PMFBP1: variants seen among roughly 807,000 people sequenced by gnomAD.
PMFBP1 encodes polyamine modulated factor 1 binding protein 1.
PMFBP1 carries 131 observed loss-of-function variants against 137.8 expected under a neutral mutation model. The ratio of observed to expected loss-of-function variants is 0.95; its 90% CI spans 0.82 to 1.10. The LOEUF (loss-of-function observed/expected upper bound fraction) is 1.10, where lower values mean the gene tolerates loss of function less well. PMFBP1 is among the 50% of genes least tolerant of loss of function. The probability of loss-of-function intolerance (pLI) is 0.00; values close to 1 mark genes in which losing one functional copy is unlikely to be tolerated. For synonymous variants in PMFBP1, 490 were observed against 450.4 expected (o/e 1.09, Z -1.11); for missense variants, 1,199 against 1,175.4 (o/e 1.02, Z -0.29).
At chr16:72,147,997 T>C (rs2042838613) in intron 5 of PMFBP1, among the ~76,000 whole-genome samples, 1 of 152,166 alleles carries the variant, frequency 6.6e-6, no homozygotes, top group African/African-American at 2.4e-5. Flanking sequence ...GAAATGCCAT[T>C]TGACCCAGCA....
chr16:72,197,668 C>A, the PMFBP1 span, among the ~76,000 whole-genome samples: 12 of 152,284 alleles, frequency 7.9e-5, no homozygotes, highest in Admixed American at 5.2e-4. Flanking sequence ...ATTGACCCAC[C>A]CAGTGAGAGC....
the PMFBP1 span, among the ~76,000 whole-genome samples, chr16:72,244,405 G>A: frequency 2.6e-5 from 4 of 152,172 alleles, no homozygotes; most frequent in Admixed American, 6.5e-5. Context: ...GAATATAGAT[G>A]CAAATATTGC....
chr16:72,129,157 C>T lies in PMFBP1; in HGVS notation c.1859G>A (p.Arg620Gln), dbSNP rs759310475. Residue 620 changes from arginine to glutamine, a missense_variant, in exon 13 of 21, where the codon CGG (arginine) becomes CAG (glutamine). Physicochemically the swap from Arg to Gln is conservative, Grantham distance 43. Transcript: ENST00000237353. Reference protein sequence around the residue: ...QEATKLLEDKREQLKKSKEHE... With the variant: ...QEATKLLEDKQEQLKKSKEHE... ...CTCTTTGCTCTTCTTCAACTGCTCCCGTTTGTCCTCCAGAAGCTTTGTGGC... is the reference window on the plus strand; with the variant it reads ...CTCTTTGCTCTTCTTCAACTGCTCCTGTTTGTCCTCCAGAAGCTTTGTGGC... The T allele has an allele frequency of 1.2e-5, 20 of 1,614,118 alleles. No homozygotes were observed. Among genetic ancestry groups the T allele is most frequent in the African/African-American group, 5.3e-5 (4 of 74,952 alleles).
chr16:72,123,120 C>G (rs1025682378), intron 18 of PMFBP1, 132 bp from the exon 19 acceptor site: 8 of 765,302 alleles, frequency 1.0e-5, no homozygotes, highest in Non-Finnish European at 1.5e-5. Context: ...CGCATCACCC[C>G]GTCCGCAGAG....
At chr16:72,150,501 T>C in intron 5 of PMFBP1, 107 bp downstream of exon 5, 1 of 1,065,898 alleles carries the variant, frequency 9.4e-7, no homozygotes, top group South Asian at 1.4e-5. Flanking sequence ...GGAAGTGACA[T>C]CTGGGTAAAG....
chr16:72,129,290 A>G (rs1008393895), intron 12 of PMFBP1, 57 bp from the exon 13 acceptor site: 12 of 1,554,612 alleles, frequency 7.7e-6, no homozygotes, highest in South Asian at 1.2e-5. Context: ...TATTTGGGGG[A>G]AAAATACAGA....
rs192099805 is a variant in PMFBP1, at chr16:72,148,164, T to C, written c.636+2444A>G. Among the ~76,000 whole-genome samples, 379 of 152,190 alleles carry C rather than the reference T, an allele frequency of 2.5e-3. 2 individuals carry two copies. The highest frequency in any genetic ancestry group is 4.6e-3 in the Non-Finnish European group (312 of 68,008). ...GGCCGGATAAAGAAAATGTGGCACA[T>C]ATACACCATGGAATACTATGCAGCC... On this transcript the variant is annotated intron_variant, in intron 5 of 20. Coordinates refer to ENST00000237353, the MANE Select transcript of PMFBP1 (RefSeq NM_031293.3).
At chr16:72,185,795 G>T in the PMFBP1 span, among the ~76,000 whole-genome samples, 24 of 152,174 alleles carry the variant, frequency 1.6e-4, no homozygotes, top group Admixed American at 1.5e-3. Flanking sequence ...TAACTAATTT[G>T]CAGTAAGAGA....
the PMFBP1 span, among the ~76,000 whole-genome samples, chr16:72,237,129 G>A: frequency 2.6e-5 from 4 of 152,164 alleles, no homozygotes; most frequent in East Asian, 5.8e-4. Context: ...AAATACTCCC[G>A]CTTAGAAGGA....
intron 19 of PMFBP1, among the ~76,000 whole-genome samples, chr16:72,120,944 A>G (rs2042368743): frequency 1.3e-5 from 2 of 152,184 alleles, no homozygotes; most frequent in Non-Finnish European, 2.9e-5. Flanking sequence ...AACGCTTAGT[A>G]CCTCACACAC....
chr16:72,155,287 G>T (rs574768129), intron 3 of PMFBP1, among the ~76,000 whole-genome samples: 2 of 152,110 alleles, frequency 1.3e-5, no homozygotes, highest in Admixed American at 6.5e-5. Context: ...GGTAGCCTCT[G>T]GGCAGTCCTT....
the PMFBP1 span, among the ~76,000 whole-genome samples, chr16:72,238,731 C>T: frequency 6.6e-6 from 1 of 152,132 alleles, no homozygotes; most frequent in Non-Finnish European, 1.5e-5. Flanking sequence ...AGATTGTCTC[C>T]AAAACATGGG....
chr16:72,233,115 T>C, the PMFBP1 span, among the ~76,000 whole-genome samples: 3 of 152,122 alleles, frequency 2.0e-5, no homozygotes, highest in Non-Finnish European at 4.4e-5. Flanking sequence ...TAAGGTTTAA[T>C]TTACCTGTAG....
chr16:72,137,281 T>C (rs1324057047), intron 7 of PMFBP1, among the ~76,000 whole-genome samples: 1 of 152,158 alleles, frequency 6.6e-6, no homozygotes, highest in Non-Finnish European at 1.5e-5. Context: ...TCCATTAATA[T>C]TTTCAAAGCA....
intron 11 of PMFBP1, 88 bp from the exon 12 acceptor site, chr16:72,130,445 T>A (rs2042532150): frequency 1.1e-5 from 18 of 1,606,436 alleles, no homozygotes; most frequent in Non-Finnish European, 1.5e-5. Flanking sequence ...ATCCTTGCTC[T>A]CCCACGCCTG....
chr16:72,207,768 A>G, the PMFBP1 span, among the ~76,000 whole-genome samples: 6 of 149,976 alleles, frequency 4.0e-5, no homozygotes, highest in African/African-American at 1.5e-4. Context: ...ACACATATAC[A>G]TATATAAAGA....
chr16:72,189,062 CT>C, the PMFBP1 span, among the ~76,000 whole-genome samples: 115 of 146,110 alleles, frequency 7.9e-4, no homozygotes, highest in Middle Eastern at 3.6e-3. Flanking sequence ...TTAGTGTTGA[CT>C]TTTTTTTTTT....
chr16:72,237,596 G>A, the PMFBP1 span, among the ~76,000 whole-genome samples: 1 of 152,074 alleles, frequency 6.6e-6, no homozygotes, highest in Non-Finnish European at 1.5e-5. Flanking sequence ...TTACAAAAAT[G>A]TCGTTTTGTA....
the PMFBP1 span, among the ~76,000 whole-genome samples, chr16:72,201,368 T>C: frequency 1.3e-5 from 2 of 152,256 alleles, no homozygotes; most frequent in South Asian, 2.1e-4. Flanking sequence ...ACAGGAACTA[T>C]GTCCACATTT....
Sources: gnomAD v4.1 joint callset for allele counts (sites outside exome capture counted in the v4.1 genomes callset) on GRCh38, gnomAD v4.1.1 for gene constraint, MANE v1.5 for transcripts, NCBI Gene and HGNC (gene_info 2026-07-23, HGNC 2026-07-21) for gene names.